Variants in DSCAM observed in about 807,000 individuals in gnomAD.
DSCAM encodes DS cell adhesion molecule.
A neutral mutation model predicts 217.7 loss-of-function variants in DSCAM; 47 were observed. The ratio of observed to expected loss-of-function variants is 0.22; its 90% CI spans 0.17 to 0.28. DSCAM has a LOEUF of 0.28. Ranked by LOEUF, DSCAM falls within the 10% of genes least tolerant of loss-of-function variation. The pLI is 1.00. For missense variants in DSCAM, 2,080 were observed against 2,618.3 expected, an observed-to-expected ratio of 0.79 and a Z score of 4.49; for synonymous variants, 1,056 against 1,015.3, an observed-to-expected ratio of 1.04 and a Z score of -0.76.
intron 3 of DSCAM, among the ~76,000 whole-genome samples, chr21:40,502,896 TATA>T (rs1020339779): frequency 2.0e-5 from 3 of 151,998 alleles, no homozygotes; most frequent in Middle Eastern, 3.4e-3. Context: ...TGATTTCCTT[TATA>T]ATATTATGTA....
intron 1 of DSCAM, among the ~76,000 whole-genome samples, chr21:40,827,468 C>CAAAAAAAAAAAA (rs55906607): frequency 5.3e-5 from 3 of 57,056 alleles, no homozygotes; most frequent in South Asian, 8.1e-4. Context: ...GTCCATGTCT[C>CAAAAAAAAAAAA]AAAAAAAAAA....
intron 18 of DSCAM, among the ~76,000 whole-genome samples, chr21:40,141,295 G>T (rs915665263): frequency 5.9e-5 from 9 of 152,292 alleles, no homozygotes; most frequent in South Asian, 2.1e-4. Context: ...GCACTCATCA[G>T]GGATCACACC....
In DSCAM at chr21:40,428,469, C is replaced by T. The variant is rs1216406788; in HGVS notation, c.509-59224G>A. 3.3e-5 allele frequency among the ~76,000 whole-genome samples: 5 copies of T among 152,002 alleles called. No homozygotes were observed. In the South Asian group the frequency reaches 6.2e-4, roughly 19 times the overall value. ...GTTTTCAGTAGAGATGGGGTTTCTC[C>T]ATGTTGGTCAGGCTGGTCTCGAACT... On this transcript the variant is annotated intron_variant, in intron 3 of 32. Coordinates refer to ENST00000400454, the MANE Select transcript of DSCAM (RefSeq NM_001389.5).
At chr21:40,533,184 T>C (rs948746071) in intron 3 of DSCAM, among the ~76,000 whole-genome samples, 1 of 152,216 alleles carries the variant, frequency 6.6e-6, no homozygotes, top group Non-Finnish European at 1.5e-5. Flanking sequence ...CGCTACCTCA[T>C]TGTCTTGGCT....
chr21:40,277,389 T>C (rs1482293189), intron 10 of DSCAM, among the ~76,000 whole-genome samples: 1 of 152,148 alleles, frequency 6.6e-6, no homozygotes, highest in African/African-American at 2.4e-5. Flanking sequence ...CATACCCTAA[T>C]GACAACTTGT....
At chr21:40,079,099 C>G (rs1027670708) in intron 25 of DSCAM, 122 bp from the exon 26 acceptor site, 13 of 1,123,178 alleles carry the variant, frequency 1.2e-5, no homozygotes, top group Non-Finnish European at 1.5e-5. Flanking sequence ...AAGTCTGGCT[C>G]ACAGGCCACT....
At chr21:40,094,012 C>T in intron 20 of DSCAM, 138 bp from the exon 21 acceptor site, 1 of 912,722 alleles carries the variant, frequency 1.1e-6, no homozygotes, top group Non-Finnish European at 1.6e-6. Context: ...GCTGGCTTTG[C>T]AATATAAAAT....
intron 3 of DSCAM, among the ~76,000 whole-genome samples, chr21:40,595,300 C>T (rs922598433): frequency 2.6e-5 from 4 of 151,830 alleles, no homozygotes; most frequent in African/African-American, 9.7e-5. Context: ...ATCACTTGCG[C>T]CCAGGAGATC....
intron 11 of DSCAM, among the ~76,000 whole-genome samples, chr21:40,228,831 A>C (rs1410914397): frequency 6.6e-6 from 1 of 152,034 alleles, no homozygotes; most frequent in Non-Finnish European, 1.5e-5. Context: ...GTTTATTGCT[A>C]CTGTGGCATT....
intron 3 of DSCAM, among the ~76,000 whole-genome samples, chr21:40,411,573 G>T (rs1329932334): frequency 1.3e-5 from 2 of 151,872 alleles, no homozygotes; most frequent in East Asian, 1.9e-4. Flanking sequence ...AAAGCAAAAA[G>T]ATATAAAAAA....
chr21:40,383,741 T>C (rs927132947), intron 3 of DSCAM: 1 of 152,258 alleles, frequency 6.6e-6, no homozygotes, highest in African/African-American at 2.4e-5. Flanking sequence ...TTTCATTGTA[T>C]TGCATTTATC....
At chr21:40,335,365 A>C (rs1410795375) in intron 8 of DSCAM, among the ~76,000 whole-genome samples, 13 of 152,188 alleles carry the variant, frequency 8.5e-5, no homozygotes. Context: ...TATTCAATAG[A>C]ATTATTTCCT....
chr21:40,307,074 G>T (rs1276176803), intron 9 of DSCAM, among the ~76,000 whole-genome samples: 2 of 152,030 alleles, frequency 1.3e-5, no homozygotes, highest in Non-Finnish European at 2.9e-5. Context: ...TCTGGTCCTG[G>T]ATTCTTTTTG....
chr21:40,340,192 T>C (rs1388949538), intron 6 of DSCAM, among the ~76,000 whole-genome samples: 2 of 152,112 alleles, frequency 1.3e-5, no homozygotes, highest in African/African-American at 4.8e-5. Flanking sequence ...TGGGACACTT[T>C]TGAGGCTGAA....
At chr21:40,072,713 A>T (rs980373605) in intron 27 of DSCAM, among the ~76,000 whole-genome samples, 6 of 152,162 alleles carry the variant, frequency 3.9e-5, no homozygotes, top group African/African-American at 1.4e-4. Flanking sequence ...CGAACTGCAG[A>T]TACCTTTGTG....
intron 3 of DSCAM, among the ~76,000 whole-genome samples, chr21:40,635,863 T>TA (rs1476877736): frequency 8.5e-5 from 13 of 152,308 alleles, no homozygotes; most frequent in African/African-American, 2.9e-4. Context: ...TTAATCTAAA[T>TA]ATGTGTTGCT....
chr21:40,706,802 A>C (rs1385729312), intron 2 of DSCAM, among the ~76,000 whole-genome samples: 1 of 152,256 alleles, frequency 6.6e-6, no homozygotes, highest in African/African-American at 2.4e-5. Context: ...ATGTGTTCAC[A>C]ATAAAAAGCA....
rs114696736 is a variant in DSCAM, at chr21:40,246,981, G to A, written c.2356+29116C>T. On this transcript the variant is annotated intron_variant, in intron 11 of 32. Transcript: ENST00000400454. ...TGGGGAGGTCTCAGCATCATGGGGC[G>A]CAGGGAAAGGCACTTCTTACATGGT... is the stretch of plus-strand genomic sequence containing the variant. 1.6e-3 allele frequency among the ~76,000 whole-genome samples: 241 copies of A among 152,206 alleles called. 1 individual carries two copies. In the East Asian group the frequency reaches 0.018, roughly 11 times the overall value.
intron 3 of DSCAM, among the ~76,000 whole-genome samples, chr21:40,667,222 T>C (rs1039659919): frequency 6.6e-6 from 1 of 152,220 alleles, no homozygotes; most frequent in Non-Finnish European, 1.5e-5. Context: ...ACACACTTTC[T>C]GTTCAGATGG....
Sources: allele counts gnomAD v4.1 joint callset (sites outside exome capture counted in the v4.1 genomes callset), GRCh38; gene constraint gnomAD v4.1.1; transcripts MANE v1.5; gene names NCBI Gene and HGNC (gene_info 2026-07-23, HGNC 2026-07-21).